SNAP25: variants seen among roughly 807,000 people sequenced by gnomAD.
SNAP25 encodes the protein synaptosomal-associated protein 25.
In SNAP25, 3 loss-of-function variants were observed where a neutral mutation model predicts 28.7. The observed-to-expected ratio is 0.10, with a 90% CI of 0.05 to 0.27. The LOEUF (loss-of-function observed/expected upper bound fraction) is 0.27, where lower values mean the gene tolerates loss of function less well. SNAP25 is among the 10% of genes least tolerant of loss of function. The pLI is 1.00. For missense variants in SNAP25, 117 were observed against 278.7 expected (o/e 0.42, Z 4.13); for synonymous variants, 61 against 88.1 (o/e 0.69, Z 1.72).
intron 1 of SNAP25, among the ~76,000 whole-genome samples, chr20:10,224,257 CTTTTTTTTTTTTTTTTT>C (rs71332917): frequency 8.0e-4 from 14 of 17,432 alleles, no homozygotes; most frequent in African/African-American, 1.1e-3. Flanking sequence ...ATGTACATGT[CTTTTTTTTTTTTTTTTT>C]TTTTTTTTTT....
chr20:10,287,047 T>C (rs2063894065), intron 4 of SNAP25, among the ~76,000 whole-genome samples: 1 of 152,078 alleles, frequency 6.6e-6, no homozygotes, highest in African/African-American at 2.4e-5. Context: ...CGGTGCAAAA[T>C]TGAAACCTAT....
intron 1 of SNAP25, among the ~76,000 whole-genome samples, chr20:10,263,299 G>A (rs972927885): frequency 1.3e-5 from 2 of 151,586 alleles, no homozygotes; most frequent in Non-Finnish European, 2.9e-5. Context: ...GATTACAGGC[G>A]TGAGCCACCG....
intron 1 of SNAP25, among the ~76,000 whole-genome samples, chr20:10,272,326 A>G (rs2063609735): frequency 6.6e-6 from 1 of 152,164 alleles, no homozygotes; most frequent in East Asian, 1.9e-4. Flanking sequence ...ATGGTGATGA[A>G]CTTACCCAGA....
At chr20:10,246,911 C>G (rs6131068) in intron 1 of SNAP25, among the ~76,000 whole-genome samples, 1 of 152,156 alleles carries the variant, frequency 6.6e-6, no homozygotes, top group East Asian at 1.9e-4. Context: ...AGCCTGAGAC[C>G]TAGGGGAAAG....
intron 1 of SNAP25, among the ~76,000 whole-genome samples, chr20:10,270,698 CAAA>C (rs60294713): frequency 1.5e-5 from 2 of 133,422 alleles, no homozygotes; most frequent in East Asian, 2.2e-4. Flanking sequence ...AACTCTGTCT[CAAA>C]AAAAAAAAAG....
At chr20:10,256,687 T>C (rs2051198165) in intron 1 of SNAP25, among the ~76,000 whole-genome samples, 1 of 152,184 alleles carries the variant, frequency 6.6e-6, no homozygotes, top group African/African-American at 2.4e-5. Context: ...AATGCAATGT[T>C]TGTGTAAATA....
chr20:10,298,351 G>A (rs2064159962), intron 6 of SNAP25, among the ~76,000 whole-genome samples: 1 of 152,110 alleles, frequency 6.6e-6, no homozygotes. Flanking sequence ...TCTCTGCCCT[G>A]GGCTGCTTTT....
chr20:10,236,173 G>C (rs753005252), intron 1 of SNAP25, among the ~76,000 whole-genome samples: 6 of 152,098 alleles, frequency 3.9e-5, no homozygotes, highest in Non-Finnish European at 7.4e-5. Context: ...AGGAAACTTA[G>C]ACCTGGCTTA....
At chr20:10,273,360 C>G (rs1311889525) in intron 1 of SNAP25, among the ~76,000 whole-genome samples, 1 of 152,150 alleles carries the variant, frequency 6.6e-6, no homozygotes, top group African/African-American at 2.4e-5. Flanking sequence ...TTTTAAGTTT[C>G]TTCAGACATT....
intron 7 of SNAP25, among the ~76,000 whole-genome samples, chr20:10,301,880 AAT>A (rs367823352): frequency 4.2e-5 from 6 of 144,258 alleles, no homozygotes; most frequent in Non-Finnish European, 6.0e-5. Flanking sequence ...TATAATATAT[AAT>A]ATATATATTA....
intron 1 of SNAP25, among the ~76,000 whole-genome samples, chr20:10,257,913 GC>G (rs1364520011): frequency 6.7e-6 from 1 of 150,072 alleles, no homozygotes; most frequent in Non-Finnish European, 1.5e-5. Context: ...AAGTTCACCT[GC>G]TAGCTGCCAG....
At chr20:10,299,917 G>T (rs192691145) in intron 7 of SNAP25, among the ~76,000 whole-genome samples, 1 of 152,314 alleles carries the variant, frequency 6.6e-6, no homozygotes, top group Admixed American at 6.5e-5. Flanking sequence ...TCAAGTGGAG[G>T]TGGTGAAGGG....
chr20:10,237,397 G>A (rs895711348), intron 1 of SNAP25, among the ~76,000 whole-genome samples: 1 of 152,184 alleles, frequency 6.6e-6, no homozygotes, highest in Non-Finnish European at 1.5e-5. Flanking sequence ...AAGGCAATGA[G>A]TCTTGCCTCA....
chr20:10,293,333 C>A lies in SNAP25; in HGVS notation c.281+55C>A. 2 of 1,367,660 alleles carry A rather than the reference C, an allele frequency of 1.5e-6. No homozygotes were observed. The highest frequency in any genetic ancestry group is 1.2e-5 in the South Asian group (1 of 85,408). The allele number at this position is 1,367,660 out of a possible 1,614,324, so 84.7% of individuals were successfully genotyped here. A position where few individuals can be genotyped will look rare whatever the true frequency, so the allele number is the denominator to read the frequency against. ...GATTTCCCAAGGCCCATCTCCAAGC[C>A]TTGACAAGCTCATTCCTGCCAAGCT... is the stretch of plus-strand genomic sequence containing the variant. On this transcript the variant is annotated intron_variant, in intron 5 of 7. Coordinates refer to ENST00000254976, the MANE Select transcript of SNAP25 (RefSeq NM_130811.4). This position sits in a 1 kb window ranked among gnomAD's most constrained non-coding sequence, Gnocchi z 5.6.
chr20:10,287,901 T>C (rs2063915085), intron 4 of SNAP25, among the ~76,000 whole-genome samples: 1 of 151,996 alleles, frequency 6.6e-6, no homozygotes, highest in Non-Finnish European at 1.5e-5. Context: ...CAGTAAACTA[T>C]TGCAAGACCA....
intron 1 of SNAP25, among the ~76,000 whole-genome samples, chr20:10,220,627 G>T (rs2062611497): frequency 6.6e-6 from 1 of 152,194 alleles, no homozygotes; most frequent in Non-Finnish European, 1.5e-5. Flanking sequence ...GTCATCAGGG[G>T]TATTTCTCTC....
chr20:10,267,965 C>T (rs945820140), intron 1 of SNAP25, among the ~76,000 whole-genome samples: 1 of 152,122 alleles, frequency 6.6e-6, no homozygotes, highest in Non-Finnish European at 1.5e-5. Flanking sequence ...AACATTTAGC[C>T]TAATCTTAAT....
At position 10,263,009 on chromosome 20, in the gene SNAP25, C is replaced by CTTTTTTTTT. The variant is rs57690835; in HGVS notation, c.-63-12401_-63-12393dup. Among the ~76,000 whole-genome samples, 33 of 50,646 alleles carry CTTTTTTTTT rather than the reference C, an allele frequency of 6.5e-4. 6 individuals are homozygous for CTTTTTTTTT. The highest frequency in any genetic ancestry group is 7.8e-4 in the African/African-American group (10 of 12,796). The allele number at this position is 50,646 out of a possible 152,430, so 33.2% of individuals were successfully genotyped here. A position where few individuals can be genotyped will look rare whatever the true frequency, so the allele number is the denominator to read the frequency against. On this transcript the variant is annotated intron_variant, in intron 1 of 7. Transcript: ENST00000254976. Reference sequence around the variant, plus strand: ...TCAGGCGAAGCAACCCTGGGGTGCTCTTTTTTTTTTTTTTTTTTTTTTTTT... The same window carrying CTTTTTTTTT: ...TCAGGCGAAGCAACCCTGGGGTGCTCTTTTTTTTTTTTTTTTTTTTTTTTTTTTTTTTTT...
chr20:10,239,195 C>T (rs191309147), intron 1 of SNAP25, among the ~76,000 whole-genome samples: 1 of 152,294 alleles, frequency 6.6e-6, no homozygotes, highest in Admixed American at 6.5e-5. Flanking sequence ...TCGAGTCATT[C>T]AAACCTCATT....
Sources: allele counts gnomAD v4.1 joint callset (sites outside exome capture counted in the v4.1 genomes callset), GRCh38; gene constraint gnomAD v4.1.1; non-coding constraint Gnocchi (gnomAD v3.1); transcripts MANE v1.5; gene names NCBI Gene and HGNC (gene_info 2026-07-23, HGNC 2026-07-21).